AFF2: variants seen among roughly 807,000 people sequenced by gnomAD.
AFF2 encodes the protein AF4/FMR2 family member 2.
AFF2 carries 14 observed loss-of-function variants against 76.9 expected under a neutral mutation model. The observed-to-expected ratio is 0.18, with a 90% CI of 0.12 to 0.28. AFF2 has a LOEUF of 0.28. AFF2 is among the 10% of genes least tolerant of loss of function. AFF2 has a pLI of 1.00. For missense variants in AFF2, 868 were observed against 1,001.1 expected, an observed-to-expected ratio of 0.87 and a Z score of 1.79; for synonymous variants, 398 against 366.7, an observed-to-expected ratio of 1.09 and a Z score of -0.98.
chrX:148,903,828 C>T (rs2071380364), intron 8 of AFF2, among the ~76,000 whole-genome samples: 1 of 111,430 alleles, frequency 9.0e-6, no homozygotes, highest in Non-Finnish European at 1.9e-5. Context: ...ATGCCCATGA[C>T]CATTCCGTCT....
chrX:148,913,904 C>A (rs1215233072), intron 9 of AFF2, among the ~76,000 whole-genome samples: 1 of 112,176 alleles, frequency 8.9e-6, no homozygotes, highest in Non-Finnish European at 1.9e-5. Flanking sequence ...ACATAGCTAA[C>A]CTGCTAGAAT....
intron 1 of AFF2, among the ~76,000 whole-genome samples, chrX:148,643,294 T>C (rs2054107977): frequency 8.9e-6 from 1 of 112,294 alleles, no homozygotes; most frequent in Non-Finnish European, 1.9e-5. Context: ...TATAAATGAA[T>C]ACATTTGCTA....
intron 3 of AFF2, among the ~76,000 whole-genome samples, chrX:148,788,607 A>C (rs2069852555): frequency 9.0e-6 from 1 of 111,619 alleles, no homozygotes; most frequent in African/African-American, 3.3e-5. Context: ...TCATGCAGTC[A>C]CGTTTCTCAT....
At chrX:148,605,220 G>A (rs1254986534) in intron 1 of AFF2, among the ~76,000 whole-genome samples, 5 of 111,825 alleles carry the variant, frequency 4.5e-5, no homozygotes, top group African/African-American at 1.6e-4. Flanking sequence ...GAATATTACG[G>A]TTGAGCAAAC....
chrX:148,838,517 A>G (rs947145681), intron 5 of AFF2, among the ~76,000 whole-genome samples: 1 of 111,870 alleles, frequency 8.9e-6, no homozygotes, highest in African/African-American at 3.3e-5. Context: ...GAGTTGAGGA[A>G]GTGCTCACCA....
At chrX:148,599,659 A>C (rs1364584426) in intron 1 of AFF2, among the ~76,000 whole-genome samples, 1 of 111,791 alleles carries the variant, frequency 8.9e-6, no homozygotes, top group African/African-American at 3.3e-5. Flanking sequence ...ATTATGTATT[A>C]CGAAGAGGAA....
intron 4 of AFF2, among the ~76,000 whole-genome samples, chrX:148,834,505 A>ATGTG (rs61709112): frequency 0.012 from 1,074 of 91,692 alleles, 7 homozygotes; most frequent in African/African-American, 0.033. Context: ...CCAGTCTCAG[A>ATGTG]TGTGTGTGTG....
At chrX:148,824,983 A>G (rs782602119) in intron 4 of AFF2, among the ~76,000 whole-genome samples, 1 of 111,339 alleles carries the variant, frequency 9.0e-6, no homozygotes, top group East Asian at 2.8e-4. Flanking sequence ...GGCTGCAGTG[A>G]GCCACGATCA....
At chrX:148,587,467 G>A (rs1033341359) in intron 1 of AFF2, among the ~76,000 whole-genome samples, 1 of 111,949 alleles carries the variant, frequency 8.9e-6, no homozygotes, top group African/African-American at 3.2e-5. Flanking sequence ...GTAATAAATT[G>A]CATAATTGAA....
At chrX:148,894,316 T>A (rs782813578) in intron 8 of AFF2, among the ~76,000 whole-genome samples, 1 of 111,507 alleles carries the variant, frequency 9.0e-6, no homozygotes, top group African/African-American at 3.3e-5. Context: ...GCTAAAAAAG[T>A]CACCAGGCAG....
intron 7 of AFF2, among the ~76,000 whole-genome samples, chrX:148,874,698 G>A (rs1346615488): frequency 1.8e-5 from 2 of 112,016 alleles, no homozygotes; most frequent in African/African-American, 6.5e-5. Flanking sequence ...AGATAAGTGT[G>A]TCATTTGTTG....
chrX:148,682,408 C>G (rs1656276556), intron 3 of AFF2, among the ~76,000 whole-genome samples: 1 of 112,020 alleles, frequency 8.9e-6, no homozygotes, highest in African/African-American at 3.2e-5. Flanking sequence ...GGGCCACAGC[C>G]AAGTGTCATG....
chrX:148,587,656 A>G (rs2053481637), intron 1 of AFF2, among the ~76,000 whole-genome samples: 1 of 111,938 alleles, frequency 8.9e-6, no homozygotes, highest in Admixed American at 9.5e-5. Flanking sequence ...CTCTTTGCCA[A>G]AGGAAAGCGG....
intron 7 of AFF2, among the ~76,000 whole-genome samples, chrX:148,854,284 G>A (rs1375791895): frequency 8.9e-6 from 1 of 111,768 alleles, no homozygotes; most frequent in Non-Finnish European, 1.9e-5. Flanking sequence ...GTGTGTCTTG[G>A]GGAGGAGGGA....
chrX:148,983,953 C>CAAAAAAAAAAACAAAA lies in AFF2; in HGVS notation c.3623+3174_3623+3175insCAAAAAAAAAAAAAAA, dbSNP rs781932499. Among the ~76,000 whole-genome samples, 3 of 29,125 alleles carry CAAAAAAAAAAACAAAA rather than the reference C, an allele frequency of 1.0e-4. No individual in the cohort carries two copies. The Admixed American group carries it at 2.3e-3, about 23-fold the overall frequency. The allele number at this position is 29,125 out of a possible 115,157, so 25.3% of individuals were successfully genotyped here. A position where few individuals can be genotyped will look rare whatever the true frequency, so the allele number is the denominator to read the frequency against. On this transcript the variant is annotated intron_variant, in intron 19 of 20. Transcript: ENST00000370460. ...GAAGTATGGCACAGAGTGAAATAGA[C>CAAAAAAAAAAACAAAA]AAAAAAAAAAAAAAACTGCCCTCAT... is the stretch of plus-strand genomic sequence containing the variant.
intron 3 of AFF2, among the ~76,000 whole-genome samples, chrX:148,800,337 C>G (rs1398129495): frequency 8.9e-6 from 1 of 111,934 alleles, no homozygotes; most frequent in African/African-American, 3.2e-5. Context: ...GAGCCACTTT[C>G]TATCAAGTGT....
intron 1 of AFF2, among the ~76,000 whole-genome samples, chrX:148,618,522 G>A (rs56356477): frequency 2.7e-5 from 3 of 111,377 alleles, no homozygotes; most frequent in Non-Finnish European, 5.7e-5. Context: ...TCCTGACCTT[G>A]ACACATGGGG....
intron 3 of AFF2, among the ~76,000 whole-genome samples, chrX:148,808,103 G>A (rs782665273): frequency 1.6e-3 from 174 of 112,059 alleles, no homozygotes; most frequent in Non-Finnish European, 2.8e-3. Context: ...TCTCCAAAGG[G>A]GGATACAATA....
At chrX:148,892,483 G>A (rs180996837) in intron 8 of AFF2, among the ~76,000 whole-genome samples, 133 of 110,805 alleles carry the variant, frequency 1.2e-3, no homozygotes, top group African/African-American at 4.3e-3. Context: ...TGTTCTTGTT[G>A]AGCGAGCTTA....
Sources: allele counts gnomAD v4.1 joint callset (sites outside exome capture counted in the v4.1 genomes callset), GRCh38; gene constraint gnomAD v4.1.1; transcripts MANE v1.5; gene names NCBI Gene and HGNC (gene_info 2026-07-23, HGNC 2026-07-21).